Variants in OSBPL1A observed in about 807,000 individuals in gnomAD.
OSBPL1A encodes oxysterol-binding protein-related protein 1.
OSBPL1A carries 80 observed loss-of-function variants against 137.1 expected under a neutral mutation model. The ratio of observed to expected loss-of-function variants is 0.58; its 90% CI spans 0.49 to 0.70. The LOEUF is 0.70. Ranked by LOEUF, OSBPL1A falls within the 30% of genes least tolerant of loss-of-function variation. The pLI is 0.00. For missense variants in OSBPL1A, 970 were observed against 1,129.4 expected, an observed-to-expected ratio of 0.86 and a Z score of 2.02; for synonymous variants, 365 against 389.7, an observed-to-expected ratio of 0.94 and a Z score of 0.75.
chr18:24,318,621 A>G lies in OSBPL1A; in HGVS notation c.712T>C (p.Tyr238His). 1 of 1,610,396 alleles carries G rather than the reference A, an allele frequency of 6.2e-7. No individual in the cohort carries two copies. Among genetic ancestry groups the G allele is most frequent in the South Asian group, 1.1e-5 (1 of 90,384 alleles). The change falls in exon 9 of 28, where the codon TAT becomes CAT. Residue 238 changes from tyrosine (Y) to histidine (H), a missense_variant. By Grantham distance (83) the Tyr-to-His change is moderately conservative (BLOSUM62 2). Transcript: ENST00000319481. ...NKVIYKALKR[Y>H]EGPLWKSSRF... is the part of the protein sequence containing the mutation. The stretch of plus-strand genomic sequence containing the variant: ...CTTACCTTCCAGAGAGGGCCCTCAT[A>G]TCGTTTCAATGCTTTGTAGATGACC...
chr18:24,299,693 G>A (rs1191438857), intron 14 of OSBPL1A, among the ~76,000 whole-genome samples: 1 of 152,128 alleles, frequency 6.6e-6, no homozygotes, highest in Non-Finnish European at 1.5e-5. Context: ...TCAGACAAGA[G>A]CATCAGGTAA....
chr18:24,187,609 C>G lies in OSBPL1A; in HGVS notation c.1678-6330G>C, dbSNP rs566807228. 2.0e-4 allele frequency among the ~76,000 whole-genome samples: 31 copies of G among 152,242 alleles called. No homozygotes were observed. In the East Asian group the frequency reaches 2.5e-3, roughly 12 times the overall value. On this transcript the variant is annotated intron_variant, in intron 18 of 27. Coordinates refer to ENST00000319481, the MANE Select transcript of OSBPL1A (RefSeq NM_080597.4). ...TTCATATAAAGCACTCAGAATAGTG[C>G]CAGGCATCTGTTAAGTGAGCAATAG...
At chr18:24,193,986 C>T (rs115857732) in intron 18 of OSBPL1A, among the ~76,000 whole-genome samples, 2,032 of 152,280 alleles carry the variant, frequency 0.013, 39 homozygotes, top group African/African-American at 0.045. Context: ...AACATCATCT[C>T]CTATCTTTTA....
chr18:24,368,995 G>A (rs1905395557), intron 2 of OSBPL1A, among the ~76,000 whole-genome samples: 1 of 152,194 alleles, frequency 6.6e-6, no homozygotes, highest in Non-Finnish European at 1.5e-5. Context: ...CTCTGAAAGT[G>A]TGTGGTTGTT....
intron 14 of OSBPL1A, among the ~76,000 whole-genome samples, chr18:24,281,537 G>A (rs763460665): frequency 3.3e-4 from 50 of 151,516 alleles, no homozygotes; most frequent in Admixed American, 5.9e-4. Context: ...ACAGGCACAC[G>A]CTATCATGCC....
intron 1 of OSBPL1A, among the ~76,000 whole-genome samples, chr18:24,392,247 G>A (rs979232408): frequency 1.3e-5 from 2 of 151,864 alleles, no homozygotes; most frequent in South Asian, 2.1e-4. Context: ...CGCAACCTCC[G>A]CCTCCCGGGT....
rs543369832 is a variant in OSBPL1A, at chr18:24,239,376, T to C, written c.1288A>G (p.Asn430Asp). The change falls in exon 16 of 28, where the codon AAT becomes GAT. Residue 430 changes from asparagine to aspartate, a missense_variant. Physicochemically the swap from Asn to Asp is conservative, Grantham distance 23. Coordinates refer to ENST00000319481, the MANE Select transcript of OSBPL1A (RefSeq NM_080597.4). The part of the protein sequence containing the change: ...NLFTKQEGVR[N>D]FKLEQEQEKN... ...TCTTGCTCTTGTTCCAATTTAAAATTCCTCACCTAGAAGAAAACAGATATA... is the reference window on the plus strand; with the variant it reads ...TCTTGCTCTTGTTCCAATTTAAAATCCCTCACCTAGAAGAAAACAGATATA... The C allele has an allele frequency of 7.4e-6, 12 of 1,613,482 alleles. No individual in the cohort carries two copies. The South Asian group carries it at 7.7e-5, about 10-fold the overall frequency.
At position 24,225,169 on chromosome 18, in the gene OSBPL1A, A is replaced by G. The variant is rs144670655; in HGVS notation, c.1474T>C (p.Leu492=). 4.0e-5 allele frequency: 64 copies of G among 1,613,960 alleles called. No homozygotes were observed. Among genetic ancestry groups the G allele is most frequent in the Non-Finnish European group, 4.9e-5 (58 of 1,179,996 alleles). The stretch of plus-strand genomic sequence containing the variant: ...AAGGAGCGTGCTGTCACTGCTTCCA[A>G]TCTACTCAGGGACCTTTCGGACTCG... ...DSESERSLSR[L]EAVTARSFEE... is the part of the protein sequence containing the mutation. The change falls in exon 17 of 28, where the codon TTG becomes CTG. Residue 492 remains leucine (L), a synonymous_variant. Coordinates refer to ENST00000319481, the MANE Select transcript of OSBPL1A (RefSeq NM_080597.4).
chr18:24,242,172 A>G (rs1273817363), intron 15 of OSBPL1A, among the ~76,000 whole-genome samples: 5 of 151,846 alleles, frequency 3.3e-5, no homozygotes, highest in Admixed American at 6.6e-5. Flanking sequence ...AAAATTCCTA[A>G]CGCAGATGAC....
chr18:24,283,398 C>A (rs925197753), intron 14 of OSBPL1A, among the ~76,000 whole-genome samples: 1 of 149,116 alleles, frequency 6.7e-6, no homozygotes, highest in African/African-American at 2.5e-5. Context: ...TTACAAAATA[C>A]ATCTTACAGA....
intron 16 of OSBPL1A, among the ~76,000 whole-genome samples, chr18:24,235,656 G>A: frequency 6.6e-6 from 1 of 152,182 alleles, no homozygotes; most frequent in East Asian, 1.9e-4. Flanking sequence ...TATCTGGGAG[G>A]AAGAGCAAGC....
chr18:24,323,190 C>T (rs2090898483), intron 7 of OSBPL1A, among the ~76,000 whole-genome samples: 1 of 151,882 alleles, frequency 6.6e-6, no homozygotes, highest in African/African-American at 2.4e-5. Flanking sequence ...GCAATACTAT[C>T]TTAAAAACTT....
intron 20 of OSBPL1A, among the ~76,000 whole-genome samples, chr18:24,178,727 G>C (rs999657183): frequency 1.3e-5 from 2 of 152,080 alleles, no homozygotes; most frequent in Admixed American, 6.6e-5. Flanking sequence ...AGATGAATTT[G>C]AATGATTTGC....
intron 14 of OSBPL1A, 95 bp downstream of exon 14, chr18:24,303,542 C>A: frequency 9.6e-7 from 1 of 1,037,982 alleles, no homozygotes; most frequent in Non-Finnish European, 1.4e-6. Context: ...TAATTCAAAA[C>A]CAAAAACTGT....
chr18:24,173,695 G>A (rs1024012156), intron 21 of OSBPL1A, among the ~76,000 whole-genome samples: 3 of 152,252 alleles, frequency 2.0e-5, no homozygotes, highest in African/African-American at 7.2e-5. Flanking sequence ...TTACAGGCGT[G>A]AGCCACCGCT....
chr18:24,165,514 G>T (rs1049114892), intron 26 of OSBPL1A, among the ~76,000 whole-genome samples: 3 of 152,178 alleles, frequency 2.0e-5, no homozygotes, highest in African/African-American at 7.2e-5. Flanking sequence ...AGACCTCACG[G>T]AGCTTCTTCA....
intron 5 of OSBPL1A, among the ~76,000 whole-genome samples, chr18:24,339,215 G>A (rs193122633): frequency 1.1e-3 from 162 of 151,774 alleles, no homozygotes; most frequent in Non-Finnish European, 1.3e-3. Context: ...CAAGTGATCT[G>A]CCCACCTCAG....
chr18:24,290,773 G>T (rs2090161942), intron 14 of OSBPL1A, among the ~76,000 whole-genome samples: 1 of 152,166 alleles, frequency 6.6e-6, no homozygotes, highest in Non-Finnish European at 1.5e-5. Flanking sequence ...ATGGAGGTAT[G>T]TGGCTTTGGC....
At chr18:24,351,347 C>CAAAAAAAAAAAAAAA (rs1172514692) in intron 4 of OSBPL1A, among the ~76,000 whole-genome samples, 1,483 of 35,640 alleles carry the variant, frequency 0.042, 108 homozygotes, top group East Asian at 0.14. Flanking sequence ...GACTCTGTCT[C>CAAAAAAAAAAAAAAA]AAAAAAAAAA....
Sources: gnomAD v4.1 joint callset for allele counts (sites outside exome capture counted in the v4.1 genomes callset) on GRCh38, gnomAD v4.1.1 for gene constraint, MANE v1.5 for transcripts, NCBI Gene and HGNC (gene_info 2026-07-23, HGNC 2026-07-21) for gene names.